Variants in LTBP4 observed in about 807,000 individuals in gnomAD.
The protein encoded by LTBP4 is latent-transforming growth factor beta-binding protein 4.
LTBP4 carries 93 observed loss-of-function variants against 180.2 expected under a neutral mutation model. The observed-to-expected ratio is 0.52, with a 90% CI of 0.44 to 0.61. The LOEUF (loss-of-function observed/expected upper bound fraction) is 0.61, where lower values mean the gene tolerates loss of function less well. LTBP4 is among the 20% of genes least tolerant of loss of function. The pLI, the probability that LTBP4 is intolerant of heterozygous loss-of-function variation, is 0.00. For synonymous variants in LTBP4, 947 were observed against 934.5 expected, an observed-to-expected ratio of 1.01 and a Z score of -0.24; for missense variants, 2,116 against 2,256.5, an observed-to-expected ratio of 0.94 and a Z score of 1.26.
chr19:40,616,021 A>AG (rs1434359575), intron 19 of LTBP4, among the ~76,000 whole-genome samples: 2 of 152,206 alleles, frequency 1.3e-5, no homozygotes, highest in African/African-American at 4.8e-5. Flanking sequence ...GACAGAAGCG[A>AG]GGGAGGCAGC....
chr19:40,622,981 G>A lies in LTBP4; in HGVS notation c.3516G>A (p.Arg1172=). 6.2e-7 allele frequency: 1 copy of A among 1,613,056 alleles called. No individual in the cohort carries two copies. Among genetic ancestry groups the A allele is most frequent in the Non-Finnish European group, 8.5e-7 (1 of 1,179,620 alleles). ...AEYQSLCPHG[R]GYLAPSGDLS... Reference sequence around the variant, plus strand: ...ACCAGTCATTGTGCCCTCACGGCCGGGGCTACCTGGCGCCCAGTGGAGACC... The same window carrying A: ...ACCAGTCATTGTGCCCTCACGGCCGAGGCTACCTGGCGCCCAGTGGAGACC... The change falls in exon 24 of 30, where the codon CGG becomes CGA. Residue 1172 remains arginine, a synonymous_variant. Coordinates refer to ENST00000396819, the MANE Select transcript of LTBP4 (RefSeq NM_001042545.2). This position sits in a 1 kb window ranked among gnomAD's most constrained non-coding sequence, Gnocchi z 5.1.
intron 11 of LTBP4, chr19:40,610,163 T>C (rs1599865376): frequency 2.2e-6 from 1 of 455,304 alleles, no homozygotes; most frequent in East Asian, 3.5e-5. Flanking sequence ...CGCCCCTCCC[T>C]GACTAACTCC....
chr19:40,609,823 G>T lies in LTBP4; in HGVS notation c.1636G>T (p.Val546Leu). 6.2e-7 allele frequency: 1 copy of T among 1,604,678 alleles called. No individual in the cohort carries two copies. Among genetic ancestry groups the T allele is most frequent in the South Asian group, 1.1e-5 (1 of 90,552 alleles). Residue 546 changes from valine (V) to leucine (L), a missense_variant, in exon 11 of 30, where the codon GTG (valine) becomes TTG (leucine). Val to Leu is a conservative substitution (Grantham distance 32). This residue lies in a region of LTBP4 where 877 missense variants were observed against 873.6 expected (regional missense o/e 1.00). Transcript: ENST00000396819. The surrounding 1 kb of genome is among the most constrained non-coding windows in gnomAD (Gnocchi z 4.9). ...CENSPGSFRC[V>L]CGPGFRAGPR... ...GAACTCACCAGGCAGCTTCCGCTGC[G>T]TGTGCGGCCCGGGCTTCCGAGCCGG...
upstream of LTBP4, chr19:40,599,192 T>G (rs1427533925): frequency 6.2e-7 from 1 of 1,605,764 alleles, no homozygotes; most frequent in Non-Finnish European, 8.5e-7. Context: ...CTCCACTATT[T>G]ATAGCGTTGC....
chr19:40,605,027 C>T lies in LTBP4; in HGVS notation c.251-8C>T. The T allele has an allele frequency of 1.2e-6, 2 of 1,601,748 alleles. No individual in the cohort carries two copies. The highest frequency in any genetic ancestry group is 1.1e-5 in the South Asian group (1 of 90,598). On this transcript the variant is annotated splice_polypyrimidine_tract_variant and splice_region_variant and intron_variant, in intron 1 of 29. Transcript: ENST00000396819. The surrounding 1 kb of genome is among the most constrained non-coding windows in gnomAD (Gnocchi z 5.5). ...TGGCGCCCCTGAGTGTCCTCGTTCTCCTCCCAGTCCTGTGTCCCTTGATCT... is the reference window on the plus strand; with the variant it reads ...TGGCGCCCCTGAGTGTCCTCGTTCTTCTCCCAGTCCTGTGTCCCTTGATCT...
rs144940835 is a variant in LTBP4, at chr19:40,608,661, C to T, written c.1426+58C>T. The stretch of plus-strand genomic sequence containing the variant: ...GCAGCAGTGGCTCACGCCTGTAATC[C>T]CAGCATTTTGGGAGGCTGAGGAGGG... On this transcript the variant is annotated intron_variant, in intron 9 of 29. Transcript: ENST00000396819. 2.2e-3 allele frequency: 3,371 copies of T among 1,538,454 alleles called. 65 individuals carry two copies. The African/African-American group carries it at 0.039, about 18-fold the overall frequency.
rs1335118636 is a variant in LTBP4 at position 40,604,943 on chromosome 19, C to T, written c.251-92C>T. The T allele has an allele frequency of 6.6e-6, 8 of 1,210,080 alleles. No individual in the cohort carries two copies. In the East Asian group the frequency reaches 2.0e-4, roughly 30 times the overall value. 75.0% of individuals were successfully genotyped at this position (1,210,080 alleles called of 1,614,324 possible). On this transcript the variant is annotated intron_variant, in intron 1 of 29. Transcript: ENST00000396819. ...CACATGACAGCTAAGGGCGGAGCGA[C>T]TTAGAAATGAATGATACCTTGAGGG...
chr19:40,607,194 C>G (rs1286104210), intron 6 of LTBP4, among the ~76,000 whole-genome samples, 171 bp from the exon 7 acceptor site: 1 of 152,208 alleles, frequency 6.6e-6, no homozygotes, highest in African/African-American at 2.4e-5. Context: ...CCTTCTCAGA[C>G]CTCCAGAGCC....
chr19:40,616,782 A>T, intron 19 of LTBP4, 107 bp from the exon 20 acceptor site: 1 of 1,319,538 alleles, frequency 7.6e-7, no homozygotes. Context: ...TCAGGCTCCT[A>T]GAATACCAGA....
At chr19:40,600,215 G>A, upstream of LTBP4, 1 of 1,170,838 alleles carries the variant, frequency 8.5e-7, no homozygotes, top group Non-Finnish European at 1.1e-6. This position sits in a 1 kb window ranked among gnomAD's most constrained non-coding sequence, Gnocchi z 4.4. Context: ...GGGGCGAGGG[G>A]GGTTCCGGGC....
rs199678003 is a variant in LTBP4 at position 40,627,023 on chromosome 19, C to G, written c.4034C>G (p.Pro1345Arg). 745 of 1,601,960 alleles carry G rather than the reference C, an allele frequency of 4.7e-4. No homozygotes were observed. Among genetic ancestry groups the G allele is most frequent in the Admixed American group, 5.8e-4 (34 of 59,094 alleles). Residue 1345 changes from proline (P) to arginine (R), a missense_variant, in exon 28 of 30, where the codon CCC becomes CGC. Transcript: ENST00000396819. Reference protein sequence around the residue: ...CNVLRPPAYSPPRPGGFGLPY... With the variant: ...CNVLRPPAYSRPRPGGFGLPY... The stretch of plus-strand genomic sequence containing the variant: ...GTGCTACGCCCCCCCGCATATAGCC[C>G]CCCGCGACCAGGTGGCTTTGGACTC...
chr19:40,612,957 T>A, intron 15 of LTBP4, 108 bp from the exon 16 acceptor site: 1 of 1,121,704 alleles, frequency 8.9e-7, no homozygotes, highest in Non-Finnish European at 1.3e-6. Context: ...TCCCCCAGCC[T>A]CCAACTCATG....
Position 40,611,826 on chromosome 19 carries a change from C to T in LTBP4, c.2054-33C>T, listed in dbSNP as rs1396633157. ...TGGCCATGGGAATGGATTCAGGCCC[C>T]TTCCTCAGCCTCATTGGTCCCCTCT... On this transcript the variant is annotated intron_variant, in intron 13 of 29. Transcript: ENST00000396819. This position sits in a 1 kb window ranked among gnomAD's most constrained non-coding sequence, Gnocchi z 4.4. The T allele has an allele frequency of 6.3e-7, 1 of 1,592,266 alleles. No individual in the cohort carries two copies. The highest frequency in any genetic ancestry group is 1.1e-5 in the South Asian group (1 of 87,870).
Position 40,611,010 on chromosome 19 carries a change from A to T in LTBP4, c.1811-142A>T. 8.5e-7 allele frequency: 1 copy of T among 1,174,524 alleles called. No individual in the cohort carries two copies. The allele number at this position is 1,174,524 out of a possible 1,614,324, so 72.8% of individuals were successfully genotyped here. On this transcript the variant is annotated intron_variant, in intron 12 of 29. Coordinates refer to ENST00000396819, the MANE Select transcript of LTBP4 (RefSeq NM_001042545.2). This position sits in a 1 kb window ranked among gnomAD's most constrained non-coding sequence, Gnocchi z 4.4. Reference sequence around the variant, plus strand: ...CAGGCAGCTTAGTAGGGATTGGTGGAGGATGCAGAGTCAGATGATGGTGAC... The same window carrying T: ...CAGGCAGCTTAGTAGGGATTGGTGGTGGATGCAGAGTCAGATGATGGTGAC...
chr19:40,600,171 G>GC, upstream of LTBP4: 6 of 1,253,246 alleles, frequency 4.8e-6, no homozygotes, highest in Non-Finnish European at 6.1e-6. This position sits in a 1 kb window ranked among gnomAD's most constrained non-coding sequence, Gnocchi z 4.4. Flanking sequence ...CGCTGGCAAG[G>GC]CCCCGGGTAA....
In LTBP4 at chr19:40,622,583, G is replaced by A; in HGVS notation, c.3400G>A (p.Val1134Met). ...DACDNILARN[V>M]TWQECCCTVG... ...ATGTGACAACATCCTGGCTCGGAAT[G>A]TGACATGGCAGGAGTGCTGCTGTAC... The change falls in exon 23 of 30, where the codon GTG becomes ATG. Residue 1134 changes from valine (V) to methionine (M), a missense_variant. By Grantham distance (21) the Val-to-Met change is conservative. Coordinates refer to ENST00000396819, the MANE Select transcript of LTBP4 (RefSeq NM_001042545.2). This position sits in a 1 kb window ranked among gnomAD's most constrained non-coding sequence, Gnocchi z 5.1. 1 of 1,613,860 alleles carries A rather than the reference G, an allele frequency of 6.2e-7. No homozygotes were observed. The highest frequency in any genetic ancestry group is 8.5e-7 in the Non-Finnish European group (1 of 1,179,878).
At chr19:40,615,327 A>C (rs2081541382) in intron 19 of LTBP4, 3 of 152,004 alleles carry the variant, frequency 2.0e-5, no homozygotes, top group South Asian at 4.1e-4. Flanking sequence ...CTCATTCATT[A>C]ATTCCACAAG....
At chr19:40,619,531 C>T (rs756494756) in intron 22 of LTBP4, 38 bp downstream of exon 22, 10 of 1,559,780 alleles carry the variant, frequency 6.4e-6, no homozygotes, top group Non-Finnish European at 7.8e-6. Context: ...TGGCGGCTGG[C>T]CCCATGGGAA....
chr19:40,614,262 C>G (rs1029296276), intron 18 of LTBP4, 53 bp from the exon 19 acceptor site: 3 of 1,579,244 alleles, frequency 1.9e-6, no homozygotes, highest in Non-Finnish European at 2.6e-6. Context: ...TCTTTGTATC[C>G]CCCATCTTGC....
Sources: allele counts gnomAD v4.1 joint callset (sites outside exome capture counted in the v4.1 genomes callset), GRCh38; gene constraint gnomAD v4.1.1; regional missense constraint gnomAD v4.1.1; non-coding constraint Gnocchi (gnomAD v3.1); transcripts MANE v1.5; gene names NCBI Gene and HGNC (gene_info 2026-07-23, HGNC 2026-07-21).